Variants in FAM20B observed in about 807,000 individuals in gnomAD.
FAM20B encodes the protein FAM20B glycosaminoglycan xylosylkinase.
A neutral mutation model predicts 43.8 loss-of-function variants in FAM20B; 23 were observed. That is an observed-to-expected ratio of 0.53 (90% CI 0.38 to 0.74). The LOEUF (loss-of-function observed/expected upper bound fraction) is 0.74, where lower values mean the gene tolerates loss of function less well. Ranked by LOEUF, FAM20B falls within the 30% of genes least tolerant of loss-of-function variation. The pLI is 0.00. For missense variants in FAM20B, 440 were observed against 510.5 expected (o/e 0.86, Z 1.33); for synonymous variants, 178 against 192.4 (o/e 0.93, Z 0.62).
At chr1:179,037,585 AG>A (rs1214610188) in intron 1 of FAM20B, among the ~76,000 whole-genome samples, 1 of 145,716 alleles carries the variant, frequency 6.9e-6, no homozygotes, top group Non-Finnish European at 1.5e-5. Flanking sequence ...CCCAGGTTCA[AG>A]CTATTGTCTC....
At chr1:179,048,438 C>T (rs962895830) in intron 2 of FAM20B, among the ~76,000 whole-genome samples, 2 of 152,194 alleles carry the variant, frequency 1.3e-5, no homozygotes, top group Non-Finnish European at 2.9e-5. Flanking sequence ...CTGTATTCCT[C>T]TAAGCTTTTG....
chr1:179,055,113 G>A (rs1305446838), intron 4 of FAM20B, among the ~76,000 whole-genome samples: 2 of 152,188 alleles, frequency 1.3e-5, no homozygotes, highest in East Asian at 3.8e-4. Flanking sequence ...GGACCTGGAA[G>A]ATCAACAGGC....
intron 2 of FAM20B, 51 bp from the exon 3 acceptor site, chr1:179,050,228 T>C: frequency 7.8e-7 from 1 of 1,287,422 alleles, no homozygotes; most frequent in Non-Finnish European, 1.1e-6. Context: ...TGCTGTCACC[T>C]GTTACTGGTG....
At chr1:179,050,609 T>C (rs112705899) in intron 3 of FAM20B, among the ~76,000 whole-genome samples, 10 of 152,366 alleles carry the variant, frequency 6.6e-5, no homozygotes, top group African/African-American at 2.2e-4. Flanking sequence ...TGCTCTGTTA[T>C]TATCATCAGT....
At chr1:179,031,805 TC>T (rs1650027239) in intron 1 of FAM20B, among the ~76,000 whole-genome samples, 1 of 152,244 alleles carries the variant, frequency 6.6e-6, no homozygotes, top group Admixed American at 6.5e-5. Context: ...AAAGCTGTCA[TC>T]TTTAAAACAC....
At position 179,064,245 on chromosome 1, in the gene FAM20B, G is replaced by A. The variant is rs945691615; in HGVS notation, c.747-60G>A. On this transcript the variant is annotated intron_variant, in intron 5 of 7. Transcript: ENST00000263733. ...TAGGTAGGAACTCTGTCTTCTCTTT[G>A]TGTGTAACAGTGCCAGGTACAGTGT... The A allele has an allele frequency of 1.4e-5, 20 of 1,466,984 alleles. No individual in the cohort carries two copies. In the Middle Eastern group the frequency reaches 9.4e-4, roughly 69 times the overall value. The allele number at this position is 1,466,984 out of a possible 1,614,324, so 90.9% of individuals were successfully genotyped here.
chr1:179,049,726 G>A (rs1243186083), intron 2 of FAM20B, among the ~76,000 whole-genome samples: 3 of 152,176 alleles, frequency 2.0e-5, no homozygotes, highest in African/African-American at 7.2e-5. Context: ...TTTTTTAGTA[G>A]AGATGGGGTT....
chr1:179,061,885 C>T (rs1271821614), intron 4 of FAM20B, among the ~76,000 whole-genome samples: 1 of 152,178 alleles, frequency 6.6e-6, no homozygotes, highest in African/African-American at 2.4e-5. Flanking sequence ...AACTGTTCCA[C>T]ATTTGGCCGG....
intron 1 of FAM20B, among the ~76,000 whole-genome samples, chr1:179,037,693 T>G (rs1015168869): frequency 2.6e-5 from 4 of 151,908 alleles, no homozygotes; most frequent in African/African-American, 7.3e-5. Flanking sequence ...CGCCGTGTTG[T>G]CCAGGCTGGT....
intron 1 of FAM20B, among the ~76,000 whole-genome samples, chr1:179,040,130 C>G (rs918256461): frequency 2.0e-5 from 3 of 152,168 alleles, no homozygotes; most frequent in African/African-American, 7.2e-5. Flanking sequence ...CCATGTCCAC[C>G]TCCTTCTACA....
Position 179,064,015 on chromosome 1 carries a change from C to T in FAM20B, c.663C>T (p.Val221=), listed in dbSNP as rs1352709640. Residue 221 remains valine (V), a synonymous_variant, in exon 5 of 8, where the codon GTC becomes GTT. Transcript: ENST00000263733. ...ATGGAGACATAATGGAGGGATCTGTCACACTTTGGCTTCCAGATGTGTGGC... is the reference window on the plus strand; with the variant it reads ...ATGGAGACATAATGGAGGGATCTGTTACACTTTGGCTTCCAGATGTGTGGC... The part of the protein sequence containing the change: ...CADGDIMEGS[V]TLWLPDVWPL... The T allele has an allele frequency of 6.8e-6, 11 of 1,613,668 alleles. No homozygotes were observed. Among genetic ancestry groups the T allele is most frequent in the Non-Finnish European group, 8.5e-6 (10 of 1,179,700 alleles).
chr1:179,023,873 C>T (rs903335659), upstream of FAM20B, among the ~76,000 whole-genome samples: 2 of 152,150 alleles, frequency 1.3e-5, no homozygotes, highest in African/African-American at 4.8e-5. Context: ...CATGTAAACG[C>T]CCTTCTTAAA....
chr1:179,041,547 G>C (rs1379024779), intron 1 of FAM20B, among the ~76,000 whole-genome samples: 1 of 147,624 alleles, frequency 6.8e-6, no homozygotes, highest in Non-Finnish European at 1.5e-5. Context: ...AATCAGGCAG[G>C]GAGGTTGCAG....
Position 179,073,139 on chromosome 1 carries a change from C to T in FAM20B, c.*995C>T, listed in dbSNP as rs1651997858. Reference sequence around the variant, plus strand: ...ACCTCTGCCTTTAAGGCATTTTTGTCACTGAAGCTGCTGTTCCCAAGAGAT... The same window carrying T: ...ACCTCTGCCTTTAAGGCATTTTTGTTACTGAAGCTGCTGTTCCCAAGAGAT... On this transcript the variant is annotated 3_prime_UTR_variant, in exon 8 of 8. Coordinates refer to ENST00000263733, the MANE Select transcript of FAM20B (RefSeq NM_014864.4). 1 of 152,130 alleles carries T rather than the reference C, an allele frequency of 6.6e-6. No individual in the cohort carries two copies. The highest frequency in any genetic ancestry group is 2.1e-4 in the South Asian group (1 of 4,824). The allele number at this position is 152,130 out of a possible 1,614,324, so 9.4% of individuals were successfully genotyped here. A position where few individuals can be genotyped will look rare whatever the true frequency, so the allele number is the denominator to read the frequency against.
At chr1:179,026,697 C>T (rs1009590764) in intron 1 of FAM20B, among the ~76,000 whole-genome samples, 3 of 152,242 alleles carry the variant, frequency 2.0e-5, no homozygotes, top group Non-Finnish European at 2.9e-5. Context: ...CACAACTTAA[C>T]GAATGCTGTG....
At chr1:179,041,209 C>T (rs1392441649) in intron 1 of FAM20B, among the ~76,000 whole-genome samples, 2 of 150,272 alleles carry the variant, frequency 1.3e-5, no homozygotes, top group African/African-American at 2.5e-5. Flanking sequence ...ACATCCCAGA[C>T]GATGGGCAAC....
chr1:179,035,220 C>G (rs1310674423), intron 1 of FAM20B: 1 of 443,716 alleles, frequency 2.3e-6, no homozygotes, highest in African/African-American at 2.0e-5. Context: ...GTTCCTCCAC[C>G]ATCAGCCAGA....
rs16853621 is a variant in FAM20B at position 179,075,588 on chromosome 1, A to G, written c.*3444A>G. 8,978 of 152,650 alleles carry G rather than the reference A, an allele frequency of 0.059. 327 individuals carry two copies. The highest frequency in any genetic ancestry group is 0.12 in the South Asian group (564 of 4,822). 9.5% of individuals were successfully genotyped at this position (152,650 alleles called of 1,614,324 possible). A position where few individuals can be genotyped will look rare whatever the true frequency, so the allele number is the denominator to read the frequency against. ...TCAGAGTATTATTCAAGAATGTATT[A>G]ATAAGGCATTGCCCCCTGTTTGCAC... On this transcript the variant is annotated 3_prime_UTR_variant, in exon 8 of 8. Coordinates refer to ENST00000263733, the MANE Select transcript of FAM20B (RefSeq NM_014864.4).
chr1:179,053,906 TTTTATTTTC>T (rs1651109960), intron 3 of FAM20B, among the ~76,000 whole-genome samples: 1 of 152,238 alleles, frequency 6.6e-6, no homozygotes. Context: ...CATAGGTGAT[TTTTATTTTC>T]TTCATTGTAA....
Sources: allele counts gnomAD v4.1 joint callset (sites outside exome capture counted in the v4.1 genomes callset), GRCh38; gene constraint gnomAD v4.1.1; transcripts MANE v1.5; gene names NCBI Gene and HGNC (gene_info 2026-07-23, HGNC 2026-07-21).